Variants in TENM1 observed in about 807,000 individuals in gnomAD.
TENM1 encodes the protein teneurin transmembrane protein 1.
Under a neutral mutation model 174.8 loss-of-function variants are expected in TENM1, and 35 were observed. The ratio of observed to expected loss-of-function variants is 0.20; its 90% CI spans 0.15 to 0.27. TENM1 has a LOEUF of 0.27. Ranked by LOEUF, TENM1 falls within the 10% of genes least tolerant of loss-of-function variation. TENM1 has a pLI of 1.00. For synonymous variants in TENM1, 781 were observed against 798.7 expected, an observed-to-expected ratio of 0.98 and a Z score of 0.37; for missense variants, 1,633 against 2,130.1, an observed-to-expected ratio of 0.77 and a Z score of 4.59.
the TENM1 span, among the ~76,000 whole-genome samples, chrX:124,982,028 G>T: frequency 1.4e-5 from 1 of 72,135 alleles, no homozygotes; most frequent in East Asian, 3.4e-4. Flanking sequence ...GCGTGTGGTA[G>T]CGTGATTTTG....
chrX:125,044,296 A>C, the TENM1 span, among the ~76,000 whole-genome samples: 1 of 110,052 alleles, frequency 9.1e-6, no homozygotes, highest in Non-Finnish European at 1.9e-5. Context: ...TCCTAATTAA[A>C]ATAGAAATGG....
rs183911162 is a variant in TENM1, at chrX:124,609,099, A to C, written c.2077+32692T>G. On this transcript the variant is annotated intron_variant, in intron 11 of 31. Coordinates refer to ENST00000422452, the Ensembl canonical transcript of TENM1. ...ATAACTTTGTTTACCCAACCATGAT[A>C]TAGGTGTAAAGCAGAAATACAATTA... Among the ~76,000 whole-genome samples the C allele has an allele frequency of 2.5e-4, 28 of 111,371 alleles. 1 individual carries two copies. In the East Asian group the frequency reaches 7.1e-3, roughly 28 times the overall value.
the TENM1 span, among the ~76,000 whole-genome samples, chrX:125,098,648 A>G: frequency 8.9e-6 from 1 of 112,229 alleles, no homozygotes; most frequent in Non-Finnish European, 1.9e-5. Flanking sequence ...TATATCTTTA[A>G]TAATGGGGCA....
intron 3 of TENM1, among the ~76,000 whole-genome samples, chrX:124,871,306 T>A: frequency 8.9e-6 from 1 of 112,219 alleles, no homozygotes; most frequent in South Asian, 3.7e-4. Flanking sequence ...GCTGTATGAT[T>A]TAACCCAGAT....
intron 17 of TENM1, among the ~76,000 whole-genome samples, chrX:124,521,729 C>T (rs149146421): frequency 1.0e-3 from 116 of 112,227 alleles, no homozygotes; most frequent in East Asian, 8.9e-3. Context: ...TATTTTCATG[C>T]TCTTATTCAT....
chrX:125,170,190 C>G, the TENM1 span, among the ~76,000 whole-genome samples: 5 of 111,429 alleles, frequency 4.5e-5, no homozygotes, highest in Non-Finnish European at 7.6e-5. Flanking sequence ...TTCCAAATGA[C>G]TAAGTTCGTC....
At chrX:124,632,059 C>T (rs1471010147) in intron 11 of TENM1, among the ~76,000 whole-genome samples, 1 of 106,469 alleles carries the variant, frequency 9.4e-6, no homozygotes, top group Non-Finnish European at 1.9e-5. Context: ...ATTATAGGAG[C>T]ATGCCGCCAC....
At chrX:125,121,918 A>T in the TENM1 span, among the ~76,000 whole-genome samples, 2 of 111,725 alleles carry the variant, frequency 1.8e-5, no homozygotes, top group Non-Finnish European at 3.8e-5. Context: ...TAGAAAATTT[A>T]AAAATATTAG....
chrX:125,140,553 G>A, the TENM1 span, among the ~76,000 whole-genome samples: 1 of 111,386 alleles, frequency 9.0e-6, no homozygotes, highest in Non-Finnish European at 1.9e-5. Context: ...ACTATAGCTA[G>A]CTAACAACAA....
chrX:124,882,919 G>C (rs1383006241), intron 3 of TENM1, among the ~76,000 whole-genome samples: 1 of 111,829 alleles, frequency 8.9e-6, no homozygotes, highest in Non-Finnish European at 1.9e-5. Flanking sequence ...TGTCATCTCT[G>C]ATTTCTTTCA....
intron 8 of TENM1, among the ~76,000 whole-genome samples, chrX:124,647,696 C>A (rs1311975925): frequency 9.2e-6 from 1 of 108,315 alleles, no homozygotes; most frequent in East Asian, 2.9e-4. Flanking sequence ...TATTATGGTA[C>A]CTATGCTTTA....
chrX:124,672,345 G>T (rs1443482685), intron 5 of TENM1, among the ~76,000 whole-genome samples: 1 of 111,222 alleles, frequency 9.0e-6, no homozygotes. Flanking sequence ...TGCTTATTAG[G>T]GTGGGATTTG....
At chrX:125,155,955 G>C in the TENM1 span, among the ~76,000 whole-genome samples, 1 of 112,924 alleles carries the variant, frequency 8.9e-6, no homozygotes, top group Non-Finnish European at 1.9e-5. Context: ...GCCAAAGTGG[G>C]AGCCCAGGCA....
At chrX:124,471,215 AT>A (rs2061302472) in intron 22 of TENM1, among the ~76,000 whole-genome samples, 2 of 46,369 alleles carry the variant, frequency 4.3e-5, no homozygotes, top group Non-Finnish European at 8.1e-5. Flanking sequence ...AGTACTATAT[AT>A]TATAATATAT....
At chrX:124,996,549 CCA>C in the TENM1 span, among the ~76,000 whole-genome samples, 27 of 96,055 alleles carry the variant, frequency 2.8e-4, no homozygotes, top group African/African-American at 3.7e-4. Flanking sequence ...AAAAAAAAAA[CCA>C]CACACACACA....
chrX:124,868,643 G>T (rs749619659), intron 3 of TENM1, among the ~76,000 whole-genome samples: 2 of 111,117 alleles, frequency 1.8e-5, no homozygotes, highest in East Asian at 5.7e-4. Context: ...ATCACATCAA[G>T]TTAAAAAGCT....
At chrX:125,044,943 T>C in the TENM1 span, among the ~76,000 whole-genome samples, 1 of 111,025 alleles carries the variant, frequency 9.0e-6, no homozygotes, top group Non-Finnish European at 1.9e-5. Flanking sequence ...TCAGGAAGGG[T>C]ATTAATCCAT....
exon 11 of TENM1, chrX:124,641,917 C>T: frequency 8.3e-7 from 1 of 1,211,014 alleles, no homozygotes; most frequent in Non-Finnish European, 1.1e-6. Context: ...TTAACTCCTC[C>T]CCAGCCAGTA....
the TENM1 span, among the ~76,000 whole-genome samples, chrX:124,987,759 A>G: frequency 2.9e-5 from 3 of 103,766 alleles, no homozygotes; most frequent in African/African-American, 1.1e-4. Flanking sequence ...AAAATTTTTT[A>G]CCTTTAAAAT....
Sources: gnomAD v4.1 joint callset for allele counts (sites outside exome capture counted in the v4.1 genomes callset) on GRCh38, gnomAD v4.1.1 for gene constraint, MANE v1.5 for transcripts, NCBI Gene and HGNC (gene_info 2026-07-23, HGNC 2026-07-21) for gene names.